FAM227B: variants seen among roughly 807,000 people sequenced by gnomAD.
FAM227B encodes the protein family with sequence similarity 227 member B.
In FAM227B, 88 loss-of-function variants were observed where a neutral mutation model predicts 73.8. The observed-to-expected ratio is 1.19, with a 90% CI of 1.00 to 1.42. FAM227B has a LOEUF of 1.42. FAM227B is among the 40% of genes most tolerant of loss of function. FAM227B has a pLI of 0.00. For synonymous variants in FAM227B, 210 were observed against 190.5 expected, an observed-to-expected ratio of 1.10 and a Z score of -0.84; for missense variants, 632 against 590.9, an observed-to-expected ratio of 1.07 and a Z score of -0.72.
chr15:49,365,814 C>A (rs12903904), intron 13 of FAM227B: 378,540 of 867,962 alleles, frequency 0.44, 84,208 homozygotes, highest in Non-Finnish European at 0.46. Context: ...CAGAGAGAAA[C>A]ATAAGTCTCA....
chr15:49,422,017 A>T (rs1302013175), intron 11 of FAM227B, among the ~76,000 whole-genome samples: 2 of 152,330 alleles, frequency 1.3e-5, no homozygotes, highest in East Asian at 3.9e-4. Flanking sequence ...AGGGACAGAT[A>T]CAAAGAGAAA....
intron 2 of FAM227B, among the ~76,000 whole-genome samples, chr15:49,611,666 T>C (rs757678629): frequency 6.6e-6 from 1 of 152,226 alleles, no homozygotes; most frequent in Non-Finnish European, 1.5e-5. Context: ...GTTAACTAGT[T>C]ACATAGTTAA....
At chr15:49,546,617 C>T (rs963001550) in intron 9 of FAM227B, among the ~76,000 whole-genome samples, 2 of 152,178 alleles carry the variant, frequency 1.3e-5, no homozygotes, top group African/African-American at 4.8e-5. Context: ...TTCTCCAGCA[C>T]CTGTTGTTTC....
At chr15:49,331,920 C>T (rs1459283292) in intron 14 of FAM227B, 71 bp from the exon 15 acceptor site, 1 of 868,300 alleles carries the variant, frequency 1.2e-6, no homozygotes. Flanking sequence ...AAATAGCCAA[C>T]ATTTATTAAG....
chr15:49,560,887 T>C (rs575935120), intron 9 of FAM227B, among the ~76,000 whole-genome samples: 62 of 152,222 alleles, frequency 4.1e-4, no homozygotes, highest in African/African-American at 1.4e-3. Flanking sequence ...GAGTTCTAAA[T>C]GTAGAAACAA....
chr15:49,396,736 C>G (rs1231101262), intron 11 of FAM227B, among the ~76,000 whole-genome samples: 11 of 148,738 alleles, frequency 7.4e-5, no homozygotes, highest in South Asian at 2.1e-4. Flanking sequence ...AGCAGGGGCA[C>G]ACTGACACCT....
At chr15:49,357,107 C>T (rs1596475656) in intron 13 of FAM227B, among the ~76,000 whole-genome samples, 1 of 150,958 alleles carries the variant, frequency 6.6e-6, no homozygotes, top group East Asian at 2.0e-4. Flanking sequence ...AAATTTATAG[C>T]ACTAAATGCC....
intron 3 of FAM227B, among the ~76,000 whole-genome samples, chr15:49,600,457 C>T (rs2077124707): frequency 6.6e-6 from 1 of 151,256 alleles, no homozygotes; most frequent in African/African-American, 2.4e-5. Context: ...AGTTTGAGAC[C>T]CACCTGACCA....
At chr15:49,447,290 T>C (rs1463642272) in intron 11 of FAM227B, among the ~76,000 whole-genome samples, 3 of 151,654 alleles carry the variant, frequency 2.0e-5, no homozygotes, top group African/African-American at 7.2e-5. Context: ...CTCTGTAACA[T>C]GGCTGGCAAA....
At chr15:49,599,007 A>G (rs2077039841) in intron 3 of FAM227B, among the ~76,000 whole-genome samples, 1 of 152,116 alleles carries the variant, frequency 6.6e-6, no homozygotes, top group Non-Finnish European at 1.5e-5. Flanking sequence ...GAAGAGTCTG[A>G]GAAAGATTGA....
At chr15:49,597,038 T>G (rs1260899893) in intron 3 of FAM227B, among the ~76,000 whole-genome samples, 1 of 151,878 alleles carries the variant, frequency 6.6e-6, no homozygotes, top group Non-Finnish European at 1.5e-5. Flanking sequence ...ACTTCAATAC[T>G]CCACTGACAG....
chr15:49,407,312 C>A (rs2048581999), intron 11 of FAM227B, among the ~76,000 whole-genome samples: 1 of 152,138 alleles, frequency 6.6e-6, no homozygotes, highest in African/African-American at 2.4e-5. Context: ...TCAACTGGCC[C>A]ATTCTCCTTG....
intron 11 of FAM227B, among the ~76,000 whole-genome samples, chr15:49,416,665 G>C (rs974507990): frequency 2.6e-5 from 4 of 151,830 alleles, no homozygotes; most frequent in African/African-American, 9.7e-5. Flanking sequence ...CAAAGTTTCA[G>C]GACACAACAT....
Position 49,613,334 on chromosome 15 carries a change from C to A in FAM227B, c.51+1787G>T, listed in dbSNP as rs143382852. Among the ~76,000 whole-genome samples the A allele has an allele frequency of 6.6e-5, 10 of 152,170 alleles. No homozygotes were observed. In the South Asian group the frequency reaches 1.9e-3, roughly 28 times the overall value. ...GTACAAGAGACCAGCCTGGCCAACA[C>A]GGTAAAACCCCAGTCTCTTATAAAA... On this transcript the variant is annotated intron_variant, in intron 2 of 15. Transcript: ENST00000299338.
At chr15:49,354,260 G>T (rs1385946171) in intron 13 of FAM227B, among the ~76,000 whole-genome samples, 2 of 152,206 alleles carry the variant, frequency 1.3e-5, no homozygotes, top group Non-Finnish European at 2.9e-5. Flanking sequence ...GGCCGAATAG[G>T]AACAGCTCCG....
chr15:49,477,949 A>C (rs1341737018), intron 11 of FAM227B, among the ~76,000 whole-genome samples: 3 of 152,100 alleles, frequency 2.0e-5, no homozygotes, highest in Non-Finnish European at 4.4e-5. Context: ...TTTTAGATTC[A>C]GGGGGTACAT....
At chr15:49,510,508 A>G (rs1200018756) in intron 10 of FAM227B, among the ~76,000 whole-genome samples, 1 of 152,160 alleles carries the variant, frequency 6.6e-6, no homozygotes, top group East Asian at 1.9e-4. Flanking sequence ...GAATACATTC[A>G]GATGCATTAG....
At chr15:49,516,173 A>T (rs996550036) in intron 10 of FAM227B, among the ~76,000 whole-genome samples, 7 of 152,080 alleles carry the variant, frequency 4.6e-5, no homozygotes, top group African/African-American at 1.7e-4. Context: ...TACATAGAGT[A>T]GGGGCTTTAT....
intron 11 of FAM227B, among the ~76,000 whole-genome samples, chr15:49,415,769 A>T (rs1171459633): frequency 1.3e-5 from 2 of 152,180 alleles, no homozygotes; most frequent in Admixed American, 6.6e-5. Flanking sequence ...TTTTGAACAT[A>T]TGACTCATAC....
Sources: allele counts gnomAD v4.1 joint callset (sites outside exome capture counted in the v4.1 genomes callset), GRCh38; gene constraint gnomAD v4.1.1; transcripts MANE v1.5; gene names NCBI Gene and HGNC (gene_info 2026-07-23, HGNC 2026-07-21).